Variants in SHROOM4 observed in about 807,000 individuals in gnomAD.
SHROOM4 encodes the protein shroom family member 4.
In SHROOM4, 17 loss-of-function variants were observed where a neutral mutation model predicts 80.3. The observed-to-expected ratio is 0.21, with a 90% CI of 0.14 to 0.32. SHROOM4 has a LOEUF of 0.32. Among genes scored for constraint, SHROOM4 ranks in the 10% least tolerant of loss-of-function variants. The pLI is 1.00. For synonymous variants in SHROOM4, 400 were observed against 437.5 expected, an observed-to-expected ratio of 0.91 and a Z score of 1.07; for missense variants, 993 against 1,140.3, an observed-to-expected ratio of 0.87 and a Z score of 1.86.
intron 1 of SHROOM4, among the ~76,000 whole-genome samples, chrX:50,764,376 TG>T (rs1228080715): frequency 9.5e-6 from 1 of 105,660 alleles, no homozygotes; most frequent in Non-Finnish European, 1.9e-5. Context: ...AAGCTGAGAG[TG>T]GGGGGAAAAA....
chrX:50,671,982 T>C (rs1215243054), intron 2 of SHROOM4, among the ~76,000 whole-genome samples: 1 of 112,216 alleles, frequency 8.9e-6, no homozygotes, highest in East Asian at 2.8e-4. Context: ...ATTGTAGGGT[T>C]ATTAATTGGT....
At chrX:50,611,677 T>C (rs961691911) in intron 5 of SHROOM4, among the ~76,000 whole-genome samples, 93 of 109,730 alleles carry the variant, frequency 8.5e-4, no homozygotes, top group Admixed American at 2.3e-3. Flanking sequence ...CACAGCACTT[T>C]GGGAGGCCGA....
intron 2 of SHROOM4, among the ~76,000 whole-genome samples, chrX:50,652,313 T>A (rs1211090177): frequency 1.8e-5 from 2 of 112,527 alleles, no homozygotes; most frequent in Admixed American, 9.4e-5. Context: ...TGGTTTTGAT[T>A]TGCATTTCTC....
intron 1 of SHROOM4, among the ~76,000 whole-genome samples, chrX:50,741,204 G>A (rs928586965): frequency 3.6e-5 from 4 of 110,447 alleles, no homozygotes; most frequent in Non-Finnish European, 5.7e-5. Flanking sequence ...TTATAATACC[G>A]GCTCTCACTT....
At chrX:50,707,295 C>A (rs1933702191) in intron 1 of SHROOM4, among the ~76,000 whole-genome samples, 1 of 112,148 alleles carries the variant, frequency 8.9e-6, no homozygotes, top group Non-Finnish European at 1.9e-5. Context: ...GTATTTTATA[C>A]CTCTGTGAGT....
rs372630010 is a variant in SHROOM4, at chrX:50,744,457, C to T, written c.118-48520G>A. On this transcript the variant is annotated intron_variant, in intron 1 of 8. Coordinates refer to ENST00000376020, the MANE Select transcript of SHROOM4 (RefSeq NM_020717.5). ...GTTCTTTTTAAAAAATAAGTTCTAT[C>T]ACTTCATTGATATTCTTTATTTGAT... Among the ~76,000 whole-genome samples, 18 of 111,759 alleles carry T rather than the reference C, an allele frequency of 1.6e-4. No homozygotes were observed. In the South Asian group the frequency reaches 6.9e-3, roughly 43 times the overall value.
At chrX:50,600,264 T>C (rs781949761) in intron 7 of SHROOM4, among the ~76,000 whole-genome samples, 34 of 111,873 alleles carry the variant, frequency 3.0e-4, no homozygotes, top group African/African-American at 1.1e-3. Context: ...TAGATACTTG[T>C]CTAGCTGCAA....
At chrX:50,760,152 T>C (rs1386583067) in intron 1 of SHROOM4, among the ~76,000 whole-genome samples, 1 of 111,057 alleles carries the variant, frequency 9.0e-6, no homozygotes, top group Non-Finnish European at 1.9e-5. Context: ...TGAAAATGAG[T>C]ATTGAAATCT....
At chrX:50,788,783 T>G (rs902837247) in intron 1 of SHROOM4, among the ~76,000 whole-genome samples, 3 of 111,358 alleles carry the variant, frequency 2.7e-5, no homozygotes, top group Non-Finnish European at 5.7e-5. Flanking sequence ...TATAAGAGAT[T>G]CACTTAAGTT....
downstream of SHROOM4, among the ~76,000 whole-genome samples, chrX:50,585,233 CAG>C (rs1167956663): frequency 9.0e-6 from 1 of 111,605 alleles, no homozygotes; most frequent in African/African-American, 3.3e-5. Context: ...AAGGGAGAGA[CAG>C]AAAGTGTAAA....
At chrX:50,578,782 T>C in the SHROOM4 span, among the ~76,000 whole-genome samples, 3 of 111,802 alleles carry the variant, frequency 2.7e-5, no homozygotes, top group African/African-American at 9.8e-5. Context: ...ATATATTCTG[T>C]GGCATGCACT....
intron 2 of SHROOM4, among the ~76,000 whole-genome samples, chrX:50,661,493 C>T (rs1557259976): frequency 8.9e-6 from 1 of 111,803 alleles, no homozygotes; most frequent in Non-Finnish European, 1.9e-5. Flanking sequence ...CCACCGCACC[C>T]GGCCAGCACC....
At chrX:50,654,497 T>A (rs1390999869) in intron 2 of SHROOM4, among the ~76,000 whole-genome samples, 1 of 111,873 alleles carries the variant, frequency 8.9e-6, no homozygotes, top group African/African-American at 3.3e-5. Context: ...AATGATTAAA[T>A]AAAGCTAATT....
intron 1 of SHROOM4, among the ~76,000 whole-genome samples, chrX:50,776,278 T>G (rs1210527789): frequency 9.8e-5 from 11 of 111,976 alleles, no homozygotes; most frequent in African/African-American, 3.6e-4. Flanking sequence ...GTGTTATTTC[T>G]AAATATAACA....
At chrX:50,709,386 G>A (rs1933755200) in intron 1 of SHROOM4, among the ~76,000 whole-genome samples, 1 of 111,810 alleles carries the variant, frequency 8.9e-6, no homozygotes, top group Admixed American at 9.5e-5. Context: ...TATTTATGAG[G>A]ACAAAAGGAT....
chrX:50,638,112 G>A (rs939099053), intron 3 of SHROOM4, 62 bp downstream of exon 3: 8 of 1,159,032 alleles, frequency 6.9e-6, no homozygotes, highest in Non-Finnish European at 9.3e-6. Context: ...TAGAGCAGAG[G>A]AGGAGGAGTG....
intron 2 of SHROOM4, among the ~76,000 whole-genome samples, chrX:50,666,153 T>C (rs1228759792): frequency 5.4e-5 from 6 of 111,446 alleles, no homozygotes; most frequent in African/African-American, 2.0e-4. Context: ...TTTGTGGTCT[T>C]AGACAACTGA....
chrX:50,796,520 G>A (rs781958346), intron 1 of SHROOM4, among the ~76,000 whole-genome samples: 5 of 111,323 alleles, frequency 4.5e-5, no homozygotes, highest in African/African-American at 9.8e-5. Flanking sequence ...CTAGAATGTC[G>A]GAGGTGGAAG....
chrX:50,666,856 GA>G (rs1183669966), intron 2 of SHROOM4, among the ~76,000 whole-genome samples: 6 of 103,247 alleles, frequency 5.8e-5, no homozygotes, highest in South Asian at 4.3e-4. Context: ...TCCCCCAGAG[GA>G]AAAAAAAAAC....
Sources: allele counts gnomAD v4.1 joint callset (sites outside exome capture counted in the v4.1 genomes callset), GRCh38; gene constraint gnomAD v4.1.1; transcripts MANE v1.5; gene names NCBI Gene and HGNC (gene_info 2026-07-23, HGNC 2026-07-21).